Variants in GNA14 observed in about 807,000 individuals in gnomAD.
The protein encoded by GNA14 is guanine nucleotide-binding protein subunit alpha-14.
Under a neutral mutation model 42.0 loss-of-function variants are expected in GNA14, and 50 were observed. The observed-to-expected ratio is 1.19, with a 90% CI of 0.95 to 1.51. The LOEUF (loss-of-function observed/expected upper bound fraction) is 1.51. Ranked by LOEUF, GNA14 falls within the 40% of genes most tolerant of loss-of-function variation. The pLI is 0.00. For missense variants in GNA14, 473 were observed against 446.2 expected (o/e 1.06, Z -0.54); for synonymous variants, 173 against 163.1 (o/e 1.06, Z -0.46).
intron 2 of GNA14, among the ~76,000 whole-genome samples, chr9:77,523,298 G>T (rs374704309): frequency 6.6e-6 from 1 of 152,166 alleles, no homozygotes; most frequent in East Asian, 1.9e-4. Context: ...GGCTTCTGGG[G>T]AGGCCTCAGG....
At chr9:77,513,957 T>A (rs1372915091) in intron 2 of GNA14, among the ~76,000 whole-genome samples, 2 of 101,028 alleles carry the variant, frequency 2.0e-5, no homozygotes, top group Admixed American at 1.8e-4. Flanking sequence ...CTTCAGCACT[T>A]TTTTTTTTTG....
intron 2 of GNA14, among the ~76,000 whole-genome samples, chr9:77,495,080 A>G (rs1388035256): frequency 6.6e-6 from 1 of 152,092 alleles, no homozygotes; most frequent in East Asian, 1.9e-4. Context: ...GATTACAGGC[A>G]TGAGCCACCA....
At chr9:77,589,323 C>CA in intron 1 of GNA14, among the ~76,000 whole-genome samples, 1 of 152,320 alleles carries the variant, frequency 6.6e-6, no homozygotes, top group East Asian at 1.9e-4. Context: ...ACCAAACTGT[C>CA]AGTGTTACCA....
chr9:77,425,508 C>T lies in GNA14; in HGVS notation c.877+54G>A, dbSNP rs1416683276. 4.1e-5 allele frequency: 57 copies of T among 1,401,694 alleles called. 1 individual carries two copies. The Admixed American group carries it at 1.0e-3, about 26-fold the overall frequency. The allele number at this position is 1,401,694 out of a possible 1,614,324, so 86.8% of individuals were successfully genotyped here. A position where few individuals can be genotyped will look rare whatever the true frequency, so the allele number is the denominator to read the frequency against. ...GCCGTGATAACTCTAGACTGATGCC[C>T]GGGAGGTGGACGAGATCAGCACAGA... is the stretch of plus-strand genomic sequence containing the variant. On this transcript the variant is annotated intron_variant, in intron 6 of 6. Transcript: ENST00000341700.
At chr9:77,618,843 C>A (rs1010073712) in intron 1 of GNA14, among the ~76,000 whole-genome samples, 1 of 149,488 alleles carries the variant, frequency 6.7e-6, no homozygotes, top group Non-Finnish European at 1.5e-5. Context: ...CCGTTTTAGC[C>A]GGGATGGTCT....
chr9:77,427,729 C>T (rs1835475250), intron 5 of GNA14, among the ~76,000 whole-genome samples: 1 of 128,320 alleles, frequency 7.8e-6, no homozygotes, highest in Admixed American at 7.4e-5. Context: ...GTGCTATGGC[C>T]ACTCTGAGGG....
intron 2 of GNA14, among the ~76,000 whole-genome samples, chr9:77,472,751 G>A (rs1300849419): frequency 6.6e-6 from 1 of 150,870 alleles, no homozygotes; most frequent in Non-Finnish European, 1.5e-5. Context: ...CGTCACGATG[G>A]GATTAGTTTC....
chr9:77,498,373 C>CAAAAAAAAAAAAAAAAAAAAAA (rs766816001), intron 2 of GNA14, among the ~76,000 whole-genome samples: 2 of 54,136 alleles, frequency 3.7e-5, no homozygotes, highest in Non-Finnish European at 3.5e-5. Flanking sequence ...AAGTCTGTCT[C>CAAAAAAAAAAAAAAAAAAAAAA]AAAAAAAAAA....
chr9:77,530,633 T>C (rs1837512853), intron 1 of GNA14, among the ~76,000 whole-genome samples: 1 of 152,240 alleles, frequency 6.6e-6, no homozygotes, highest in African/African-American at 2.4e-5. Context: ...TTACTCAGAA[T>C]TGAACTACAA....
At chr9:77,557,282 G>GA (rs2131786173) in intron 1 of GNA14, among the ~76,000 whole-genome samples, 1 of 152,298 alleles carries the variant, frequency 6.6e-6, no homozygotes, top group East Asian at 1.9e-4. Context: ...TTAGGAGAGA[G>GA]AAGCAGCTGA....
chr9:77,590,057 C>T (rs1823368362), intron 1 of GNA14, among the ~76,000 whole-genome samples: 1 of 152,074 alleles, frequency 6.6e-6, no homozygotes, highest in African/African-American at 2.4e-5. Flanking sequence ...ACTGGAACTA[C>T]AGGTGCCTGC....
chr9:77,434,497 A>G lies in GNA14; in HGVS notation c.335T>C (p.Val112Ala). The change falls in exon 3 of 7, where the codon GTG becomes GCG. Residue 112 changes from valine to alanine, a missense_variant. Coordinates refer to ENST00000341700, the MANE Select transcript of GNA14 (RefSeq NM_004297.4). The stretch of plus-strand genomic sequence containing the variant: ...GAGCATGGAGACCTTGTCCACTTCC[A>G]CTTCTCTGATTATCTGGGCATTTTC... ...NKENAQIIRE[V>A]EVDKVSMLSR... 6.2e-7 allele frequency: 1 copy of G among 1,613,566 alleles called. No homozygotes were observed. The highest frequency in any genetic ancestry group is 8.5e-7 in the Non-Finnish European group (1 of 1,179,790).
At chr9:77,427,244 T>G (rs1835467752) in intron 5 of GNA14, among the ~76,000 whole-genome samples, 1 of 152,138 alleles carries the variant, frequency 6.6e-6, no homozygotes, top group Non-Finnish European at 1.5e-5. Flanking sequence ...TCGTTTGAGT[T>G]TCCTGAGGAA....
intron 1 of GNA14, among the ~76,000 whole-genome samples, chr9:77,558,876 G>T (rs957439994): frequency 6.6e-6 from 1 of 151,064 alleles, no homozygotes; most frequent in African/African-American, 2.4e-5. Context: ...ATTCAGAGTT[G>T]TATCTCTTCT....
intron 3 of GNA14, 96 bp from the exon 4 acceptor site, chr9:77,431,545 C>T (rs565723295): frequency 4.7e-6 from 5 of 1,069,890 alleles, no homozygotes; most frequent in South Asian, 1.7e-5. Context: ...ACAGTGAGCC[C>T]CACACAGACA....
chr9:77,499,663 CAACATGGGAAACCCCGTCTCTACT>C (rs1370509638), intron 2 of GNA14, among the ~76,000 whole-genome samples: 7 of 152,022 alleles, frequency 4.6e-5, no homozygotes, highest in African/African-American at 1.7e-4. Context: ...CTAGCCTGGC[CAACATGGGAAACCCCGTCTCTACT>C]AAAAATACAA....
chr9:77,490,237 T>A (rs1836741619), intron 2 of GNA14, among the ~76,000 whole-genome samples: 1 of 152,178 alleles, frequency 6.6e-6, no homozygotes, highest in African/African-American at 2.4e-5. Flanking sequence ...AAACACAGGG[T>A]GCTGATTGCT....
At chr9:77,591,917 G>GT (rs1564061395) in intron 1 of GNA14, among the ~76,000 whole-genome samples, 11 of 96,310 alleles carry the variant, frequency 1.1e-4, no homozygotes, top group Admixed American at 4.6e-4. Context: ...TTTGTTTTTT[G>GT]GTTTTTTTTT....
intron 2 of GNA14, among the ~76,000 whole-genome samples, chr9:77,461,705 C>A (rs1836109707): frequency 6.6e-6 from 1 of 152,044 alleles, no homozygotes; most frequent in African/African-American, 2.4e-5. Flanking sequence ...AATATATACC[C>A]CCCAAACATG....
Sources: allele counts gnomAD v4.1 joint callset (sites outside exome capture counted in the v4.1 genomes callset), GRCh38; gene constraint gnomAD v4.1.1; transcripts MANE v1.5; gene names NCBI Gene and HGNC (gene_info 2026-07-23, HGNC 2026-07-21).